ADAMTS19: variants seen among roughly 807,000 people sequenced by gnomAD.
The protein encoded by ADAMTS19 is A disintegrin and metalloproteinase with thrombospondin motifs 19.
In ADAMTS19, 93 loss-of-function variants were observed where a neutral mutation model predicts 153.3. That is an observed-to-expected ratio of 0.61 (90% CI 0.51 to 0.72). The LOEUF (loss-of-function observed/expected upper bound fraction) is 0.72, where lower values mean the gene tolerates loss of function less well. Ranked by LOEUF, ADAMTS19 falls within the 30% of genes least tolerant of loss-of-function variation. ADAMTS19 has a pLI of 0.00. For missense variants in ADAMTS19, 1,482 were observed against 1,552.1 expected, an observed-to-expected ratio of 0.95 and a Z score of 0.76; for synonymous variants, 600 against 556.6, an observed-to-expected ratio of 1.08 and a Z score of -1.10.
At position 129,619,721 on chromosome 5, in the gene ADAMTS19, T is replaced by G. The variant is rs529587568; in HGVS notation, c.1479-897T>G. Among the ~76,000 whole-genome samples, 12 of 152,082 alleles carry G rather than the reference T, an allele frequency of 7.9e-5. 1 individual carries two copies. The East Asian group carries it at 2.1e-3, about 27-fold the overall frequency. On this transcript the variant is annotated intron_variant, in intron 8 of 22. Coordinates refer to ENST00000274487, the MANE Select transcript of ADAMTS19 (RefSeq NM_133638.6). ...TAAAAATTCAAGACTTTGTATATACTGTCATAAGGATACGATACAATAATT... is the reference window on the plus strand; with the variant it reads ...TAAAAATTCAAGACTTTGTATATACGGTCATAAGGATACGATACAATAATT...
rs539211780 is a variant in ADAMTS19 at position 129,547,884 on chromosome 5, A to G, written c.1329-3980A>G. On this transcript the variant is annotated intron_variant, in intron 6 of 22. Transcript: ENST00000274487. ...GAAATAATGCCACATATCTACAACTATCTGATCTTTGACAAACCTGACAAA... is the reference window on the plus strand; with the variant it reads ...GAAATAATGCCACATATCTACAACTGTCTGATCTTTGACAAACCTGACAAA... Among the ~76,000 whole-genome samples, 212 of 150,980 alleles carry G rather than the reference A, an allele frequency of 1.4e-3. 12 individuals carry two copies. Among genetic ancestry groups the G allele is most frequent in the African/African-American group, 5.1e-3 (207 of 40,318 alleles).
chr5:129,538,722 T>A (rs181594892), intron 6 of ADAMTS19, among the ~76,000 whole-genome samples: 1 of 152,228 alleles, frequency 6.6e-6, no homozygotes, highest in African/African-American at 2.4e-5. Flanking sequence ...ACATACTGTT[T>A]TATAATCCAT....
At chr5:129,540,093 A>G (rs1256156203) in intron 6 of ADAMTS19, among the ~76,000 whole-genome samples, 1 of 152,140 alleles carries the variant, frequency 6.6e-6, no homozygotes, top group Non-Finnish European at 1.5e-5. Context: ...AAAAAATGTT[A>G]ATCTCCCTGG....
chr5:129,629,946 G>A (rs1290064064), intron 10 of ADAMTS19, among the ~76,000 whole-genome samples: 1 of 152,110 alleles, frequency 6.6e-6, no homozygotes, highest in African/African-American at 2.4e-5. Context: ...AAGGAAGGAA[G>A]TGTGATAAAA....
At chr5:129,590,856 G>C (rs1052523272) in intron 7 of ADAMTS19, among the ~76,000 whole-genome samples, 1 of 152,032 alleles carries the variant, frequency 6.6e-6, no homozygotes, top group African/African-American at 2.4e-5. Context: ...AATGAATTTT[G>C]GTTCTTCACA....
At chr5:129,576,286 A>C (rs569792368) in intron 7 of ADAMTS19, among the ~76,000 whole-genome samples, 1 of 151,912 alleles carries the variant, frequency 6.6e-6, no homozygotes, top group Non-Finnish European at 1.5e-5. Context: ...ATCATCTTTC[A>C]TCTTCTTCCT....
intron 17 of ADAMTS19, among the ~76,000 whole-genome samples, chr5:129,683,281 T>A (rs1301749041): frequency 6.6e-6 from 1 of 151,458 alleles, no homozygotes; most frequent in African/African-American, 2.4e-5. Context: ...GGCCACACTA[T>A]CCAATTCTGA....
At chr5:129,608,847 A>AAC (rs386404963) in intron 8 of ADAMTS19, among the ~76,000 whole-genome samples, 4 of 24,228 alleles carry the variant, frequency 1.7e-4, no homozygotes, top group Admixed American at 4.3e-4. Flanking sequence ...ACTCTGTCTC[A>AAC]AAAAAAAAAG....
At chr5:129,672,123 C>CT (rs1490497719) in intron 16 of ADAMTS19, among the ~76,000 whole-genome samples, 1 of 152,052 alleles carries the variant, frequency 6.6e-6, no homozygotes, top group Non-Finnish European at 1.5e-5. Context: ...GAATTGCATA[C>CT]TGCCGACTTC....
intron 22 of ADAMTS19, among the ~76,000 whole-genome samples, chr5:129,735,489 T>C (rs1238317833): frequency 1.3e-5 from 2 of 151,610 alleles, no homozygotes; most frequent in African/African-American, 4.9e-5. Flanking sequence ...TTGATAGCCT[T>C]CCTTGTGATC....
At chr5:129,644,716 C>G (rs1752979404) in intron 11 of ADAMTS19, among the ~76,000 whole-genome samples, 1 of 151,826 alleles carries the variant, frequency 6.6e-6, no homozygotes, top group Non-Finnish European at 1.5e-5. Flanking sequence ...ATGATTTATT[C>G]AAAAATAATA....
chr5:129,683,925 G>C (rs1235644831), intron 17 of ADAMTS19, among the ~76,000 whole-genome samples, 195 bp from the exon 18 acceptor site: 2 of 150,862 alleles, frequency 1.3e-5, no homozygotes, highest in Admixed American at 6.6e-5. Flanking sequence ...CAAAAGCATG[G>C]CAATATCTAC....
intron 6 of ADAMTS19, 74 bp downstream of exon 6, chr5:129,528,751 TA>T: frequency 1.7e-6 from 2 of 1,185,130 alleles, no homozygotes; most frequent in Non-Finnish European, 2.3e-6. Context: ...AATCCCTTAA[TA>T]GATAATGTTT....
chr5:129,538,913 C>T (rs867193091), intron 6 of ADAMTS19, among the ~76,000 whole-genome samples: 9 of 152,142 alleles, frequency 5.9e-5, no homozygotes, highest in African/African-American at 1.9e-4. Flanking sequence ...AAAAGAAACA[C>T]CTTAGTGTTT....
At chr5:129,596,868 TATTAC>T (rs1003233758) in intron 8 of ADAMTS19, among the ~76,000 whole-genome samples, 32 of 152,178 alleles carry the variant, frequency 2.1e-4, no homozygotes, top group African/African-American at 7.2e-4. Flanking sequence ...AATAAAATCT[TATTAC>T]ATTATTAAAA....
At chr5:129,609,282 G>A (rs1326397367) in intron 8 of ADAMTS19, among the ~76,000 whole-genome samples, 19 of 152,100 alleles carry the variant, frequency 1.2e-4, no homozygotes, top group Non-Finnish European at 1.5e-5. Context: ...CAATCTGTCT[G>A]TATTCATTTC....
intron 21 of ADAMTS19, among the ~76,000 whole-genome samples, chr5:129,706,811 T>TA (rs1416820449): frequency 4.5e-4 from 68 of 152,192 alleles, no homozygotes; most frequent in Non-Finnish European, 1.9e-4. Flanking sequence ...GGTTAAATCT[T>TA]AGTTAAAACC....
chr5:129,525,227 GT>G, intron 3 of ADAMTS19, among the ~76,000 whole-genome samples: 1 of 152,164 alleles, frequency 6.6e-6, no homozygotes, highest in East Asian at 1.9e-4. Context: ...TGCAAACTAG[GT>G]TTACAAAGTG....
chr5:129,726,148 A>G (rs961310767), intron 21 of ADAMTS19, among the ~76,000 whole-genome samples: 2 of 152,158 alleles, frequency 1.3e-5, no homozygotes, highest in African/African-American at 4.8e-5. Flanking sequence ...GTTTTACTCT[A>G]GTAAACCTGG....
Sources: gnomAD v4.1 joint callset for allele counts (sites outside exome capture counted in the v4.1 genomes callset) on GRCh38, gnomAD v4.1.1 for gene constraint, MANE v1.5 for transcripts, NCBI Gene and HGNC (gene_info 2026-07-23, HGNC 2026-07-21) for gene names.